The following TTC29 variants were observed in gnomAD, a reference collection of about 807,000 sequenced individuals.
The protein encoded by TTC29 is tetratricopeptide repeat domain 29.
TTC29 carries 49 observed loss-of-function variants against 58.1 expected under a neutral mutation model. That is an observed-to-expected ratio of 0.84 (90% CI 0.67 to 1.07). The LOEUF is 1.07. Among genes scored for constraint, TTC29 ranks in the 50% least tolerant of loss-of-function variants. The probability of loss-of-function intolerance (pLI) is 0.00; values close to 1 mark genes in which losing one functional copy is unlikely to be tolerated. For missense variants in TTC29, 582 were observed against 555.6 expected (o/e 1.05, Z -0.48); for synonymous variants, 209 against 196.8 (o/e 1.06, Z -0.52).
intron 6 of TTC29, among the ~76,000 whole-genome samples, chr4:146,885,214 A>G (rs903123608): frequency 6.6e-6 from 1 of 152,068 alleles, no homozygotes; most frequent in Non-Finnish European, 1.5e-5. Context: ...CAAAATAACA[A>G]AAGATTTTGA....
chr4:146,859,638 A>G lies in TTC29; in HGVS notation c.885+7860T>C, dbSNP rs17022065. 3.8e-3 allele frequency among the ~76,000 whole-genome samples: 586 copies of G among 152,232 alleles called. 4 individuals are homozygous for G. Among genetic ancestry groups the G allele is most frequent in the African/African-American group, 0.013 (552 of 41,570 alleles). ...AAAGTAGAGATAAGACTGCTGAAAGAGTCAAGATTTATTGACCTGAAAGAG... is the reference window on the plus strand; with the variant it reads ...AAAGTAGAGATAAGACTGCTGAAAGGGTCAAGATTTATTGACCTGAAAGAG... On this transcript the variant is annotated intron_variant, in intron 8 of 12. Coordinates refer to ENST00000325106, the MANE Select transcript of TTC29 (RefSeq NM_031956.4).
At chr4:146,733,463 C>T (rs186942367) in intron 11 of TTC29, among the ~76,000 whole-genome samples, 23 of 152,102 alleles carry the variant, frequency 1.5e-4, no homozygotes, top group South Asian at 8.3e-4. Context: ...AACCTAATAT[C>T]GAACTTGTTT....
intron 11 of TTC29, among the ~76,000 whole-genome samples, chr4:146,713,111 C>CGTGTGTGTGTGGGTGTGT (rs1742635532): frequency 7.2e-6 from 1 of 139,546 alleles, no homozygotes; most frequent in African/African-American, 2.7e-5. Context: ...GAGAATTGAT[C>CGTGTGTGTGTGGGTGTGT]GTGTGTGTGT....
At chr4:146,755,260 A>G (rs1280855044) in intron 11 of TTC29, among the ~76,000 whole-genome samples, 1 of 152,184 alleles carries the variant, frequency 6.6e-6, no homozygotes, top group Non-Finnish European at 1.5e-5. Context: ...GTCCTCATAG[A>G]TCAGAAGAAT....
At chr4:146,887,838 T>C (rs1732089603) in intron 6 of TTC29, among the ~76,000 whole-genome samples, 1 of 152,114 alleles carries the variant, frequency 6.6e-6, no homozygotes, top group Non-Finnish European at 1.5e-5. Flanking sequence ...GAACAATTAA[T>C]CACCAGAGAA....
chr4:146,826,010 G>T (rs1191106310), intron 9 of TTC29, among the ~76,000 whole-genome samples: 1 of 151,806 alleles, frequency 6.6e-6, no homozygotes, highest in African/African-American at 2.4e-5. Context: ...TGTCTCTGCA[G>T]GTAAGATGGG....
intron 11 of TTC29, among the ~76,000 whole-genome samples, chr4:146,731,489 CAGAG>C (rs536893953): frequency 1.3e-5 from 2 of 151,856 alleles, no homozygotes; most frequent in East Asian, 3.9e-4. Flanking sequence ...AAACAGACAG[CAGAG>C]AGAGAGTTGT....
At chr4:146,801,500 T>C (rs1750214054) in intron 11 of TTC29, among the ~76,000 whole-genome samples, 1 of 152,160 alleles carries the variant, frequency 6.6e-6, no homozygotes, top group Non-Finnish European at 1.5e-5. Context: ...TTTTATTTTA[T>C]AGCATTCTGA....
intron 4 of TTC29, chr4:146,934,179 G>C (rs1735571323): frequency 6.6e-6 from 1 of 152,280 alleles, no homozygotes; most frequent in African/African-American, 2.4e-5. Flanking sequence ...GGTGGAGTGA[G>C]AGTGGGTGTG....
intron 11 of TTC29, among the ~76,000 whole-genome samples, chr4:146,802,349 T>A (rs1421386443): frequency 6.6e-6 from 1 of 152,206 alleles, no homozygotes; most frequent in Non-Finnish European, 1.5e-5. Context: ...CTGAAAGCAG[T>A]CAGTTAATAA....
At position 146,708,357 on chromosome 4, in the gene TTC29, C is replaced by CATGTATATATATATATATATATAT. The variant is rs1561047198; in HGVS notation, c.1331-807_1331-806insATATATATATATATATATATACAT. 5.2e-3 allele frequency among the ~76,000 whole-genome samples: 87 copies of CATGTATATATATATATATATATAT among 16,832 alleles called. 4 individuals are homozygous for CATGTATATATATATATATATATAT. Among genetic ancestry groups the CATGTATATATATATATATATATAT allele is most frequent in the African/African-American group, 0.011 (83 of 7,226 alleles). 11.0% of individuals were successfully genotyped at this position (16,832 alleles called of 152,430 possible). On this transcript the variant is annotated intron_variant, in intron 11 of 12. Transcript: ENST00000325106. ...ATATATATATATATATATATATATA[C>CATGTATATATATATATATATATAT]ACATGTATGTGTGTGTATATATATA...
At chr4:146,842,145 T>C (rs560081289) in intron 8 of TTC29, among the ~76,000 whole-genome samples, 2 of 152,168 alleles carry the variant, frequency 1.3e-5, no homozygotes, top group African/African-American at 4.8e-5. Flanking sequence ...GCCTTCCCCA[T>C]AGCAAACCAT....
chr4:146,909,007 C>T lies in TTC29; in HGVS notation c.400+19G>A. The T allele has an allele frequency of 6.2e-7, 1 of 1,607,580 alleles. No individual in the cohort carries two copies. Among genetic ancestry groups the T allele is most frequent in the Non-Finnish European group, 8.5e-7 (1 of 1,174,856 alleles). On this transcript the variant is annotated intron_variant, in intron 5 of 12. Coordinates refer to ENST00000325106, the MANE Select transcript of TTC29 (RefSeq NM_031956.4). Reference sequence around the variant, plus strand: ...TGTTCTGGCTCCTTCTGTGCTCTGCCCACAGTCCCACCACTTACCTTTCCT... The same window carrying T: ...TGTTCTGGCTCCTTCTGTGCTCTGCTCACAGTCCCACCACTTACCTTTCCT...
chr4:146,798,447 T>C (rs1749976330), intron 11 of TTC29, among the ~76,000 whole-genome samples: 1 of 152,116 alleles, frequency 6.6e-6, no homozygotes, highest in Non-Finnish European at 1.5e-5. Context: ...TCAAATACAC[T>C]TGGTCTTCCT....
At chr4:146,895,926 C>CA (rs1425160367) in intron 6 of TTC29, among the ~76,000 whole-genome samples, 1 of 151,748 alleles carries the variant, frequency 6.6e-6, no homozygotes, top group Non-Finnish European at 1.5e-5. Context: ...AAAAGTTTCT[C>CA]AAAAAATTTA....
chr4:146,812,001 A>G (rs1751055669), intron 10 of TTC29, among the ~76,000 whole-genome samples: 1 of 152,108 alleles, frequency 6.6e-6, no homozygotes, highest in Non-Finnish European at 1.5e-5. Context: ...TCTTTCTTCA[A>G]GGCATAAAAC....
chr4:146,789,524 G>T (rs895161489), intron 11 of TTC29, among the ~76,000 whole-genome samples: 11 of 152,090 alleles, frequency 7.2e-5, no homozygotes, highest in Non-Finnish European at 1.2e-4. Flanking sequence ...TTTCCACAGG[G>T]TATCTTAAAA....
chr4:146,930,888 G>C (rs1408657541), intron 4 of TTC29, among the ~76,000 whole-genome samples: 1 of 152,126 alleles, frequency 6.6e-6, no homozygotes, highest in East Asian at 1.9e-4. Flanking sequence ...CACTGAAAAA[G>C]GAATTTCCCA....
rs184776160 is a variant in TTC29, at chr4:146,934,530, A to G, written c.176+3064T>C. ...GATCTAAAAACTTTCAGCTTGATGG[A>G]GAGGCCAGTGCTGGATTTATAAATT... On this transcript the variant is annotated intron_variant, in intron 4 of 12. Transcript: ENST00000325106. Among the ~76,000 whole-genome samples, 36 of 152,284 alleles carry G rather than the reference A, an allele frequency of 2.4e-4. No individual in the cohort carries two copies. The East Asian group carries it at 4.4e-3, about 19-fold the overall frequency.
Sources: allele counts gnomAD v4.1 joint callset (sites outside exome capture counted in the v4.1 genomes callset), GRCh38; gene constraint gnomAD v4.1.1; transcripts MANE v1.5; gene names NCBI Gene and HGNC (gene_info 2026-07-23, HGNC 2026-07-21).